Variants in SHISA9 observed in about 807,000 individuals in gnomAD.
The protein encoded by SHISA9 is shisa family member 9.
Under a neutral mutation model 38.0 loss-of-function variants are expected in SHISA9, and 13 were observed. The observed-to-expected ratio is 0.34, with a 90% CI of 0.22 to 0.54. The LOEUF (loss-of-function observed/expected upper bound fraction) is 0.54, where lower values mean the gene tolerates loss of function less well. SHISA9 is among the 20% of genes least tolerant of loss of function. SHISA9 has a pLI of 0.91. For missense variants in SHISA9, 538 were observed against 575.8 expected, an observed-to-expected ratio of 0.93 and a Z score of 0.67; for synonymous variants, 275 against 242.0, an observed-to-expected ratio of 1.14 and a Z score of -1.27.
At chr16:13,107,812 G>T (rs1363197508) in intron 2 of SHISA9, among the ~76,000 whole-genome samples, 3 of 152,188 alleles carry the variant, frequency 2.0e-5, no homozygotes, top group Non-Finnish European at 4.4e-5. Context: ...AATGAGGGCA[G>T]TGGCAGTGGG....
At chr16:13,440,183 G>A in the SHISA9 span, among the ~76,000 whole-genome samples, 1 of 152,164 alleles carries the variant, frequency 6.6e-6, no homozygotes, top group African/African-American at 2.4e-5. Context: ...TATGTGGGTG[G>A]GGGTGGAAGG....
intron 2 of SHISA9, among the ~76,000 whole-genome samples, chr16:12,925,165 T>C (rs960398475): frequency 5.3e-5 from 8 of 152,300 alleles, no homozygotes; most frequent in Non-Finnish European, 1.2e-4. Context: ...TGTGTGTGTG[T>C]GCATGGGAGT....
chr16:13,206,386 C>T (rs775170661), intron 3 of SHISA9, among the ~76,000 whole-genome samples: 15 of 152,130 alleles, frequency 9.9e-5, no homozygotes, highest in Non-Finnish European at 1.8e-4. Context: ...ACTTGCTGAT[C>T]GATTTCAGTA....
At chr16:13,166,719 G>A (rs2050639458) in intron 2 of SHISA9, among the ~76,000 whole-genome samples, 1 of 152,180 alleles carries the variant, frequency 6.6e-6, no homozygotes, top group Non-Finnish European at 1.5e-5. Context: ...GGCAAAGGAA[G>A]AATCATGGGA....
intron 2 of SHISA9, among the ~76,000 whole-genome samples, chr16:13,048,400 C>T (rs189645092): frequency 3.0e-4 from 45 of 152,238 alleles, no homozygotes; most frequent in African/African-American, 1.1e-3. Flanking sequence ...GCCTTTTGAG[C>T]CACCAAAAAT....
the SHISA9 span, among the ~76,000 whole-genome samples, chr16:13,379,162 C>G: frequency 6.6e-6 from 1 of 152,126 alleles, no homozygotes; most frequent in Non-Finnish European, 1.5e-5. Flanking sequence ...CAGAGGATGT[C>G]CAGAGGATGT....
intron 2 of SHISA9, among the ~76,000 whole-genome samples, chr16:13,023,286 T>C (rs1173995711): frequency 1.3e-5 from 2 of 152,202 alleles, no homozygotes; most frequent in African/African-American, 4.8e-5. Flanking sequence ...TTTCTGTCCT[T>C]ATGATAATTT....
chr16:13,084,578 T>C (rs1228672568), intron 2 of SHISA9, among the ~76,000 whole-genome samples: 2 of 152,186 alleles, frequency 1.3e-5, no homozygotes, highest in Admixed American at 6.5e-5. Flanking sequence ...GGTTCCTCTT[T>C]CTGGAGTTAC....
intron 2 of SHISA9, among the ~76,000 whole-genome samples, chr16:12,953,506 A>T (rs1359964709): frequency 1.3e-5 from 2 of 152,228 alleles, no homozygotes; most frequent in Non-Finnish European, 2.9e-5. Context: ...AAGCATAAGG[A>T]CATTGATTGA....
chr16:13,100,899 G>T (rs2073872410), intron 2 of SHISA9, among the ~76,000 whole-genome samples: 1 of 152,072 alleles, frequency 6.6e-6, no homozygotes, highest in South Asian at 2.1e-4. Flanking sequence ...TAGAGACGGG[G>T]TTTTGCCATG....
At chr16:13,553,179 T>G in the SHISA9 span, among the ~76,000 whole-genome samples, 3 of 152,198 alleles carry the variant, frequency 2.0e-5, no homozygotes, top group Non-Finnish European at 4.4e-5. Flanking sequence ...TTAAATGATG[T>G]GTTTTAGTTC....
At chr16:13,301,005 C>T in the SHISA9 span, among the ~76,000 whole-genome samples, 26 of 151,960 alleles carry the variant, frequency 1.7e-4, no homozygotes, top group Non-Finnish European at 3.2e-4. Flanking sequence ...TCAATATTGA[C>T]TCCTTCTCTT....
the SHISA9 span, among the ~76,000 whole-genome samples, chr16:13,406,104 G>T: frequency 1.3e-5 from 2 of 152,140 alleles, no homozygotes; most frequent in Non-Finnish European, 2.9e-5. Context: ...ATCCAACAGC[G>T]TCTTTTTAAC....
the SHISA9 span, among the ~76,000 whole-genome samples, chr16:13,254,386 T>G: frequency 6.6e-6 from 1 of 152,204 alleles, no homozygotes; most frequent in Non-Finnish European, 1.5e-5. Context: ...TTGTCACTGC[T>G]TCCAGCATGA....
chr16:12,953,713 T>A (rs953290327), intron 2 of SHISA9, among the ~76,000 whole-genome samples: 5 of 152,186 alleles, frequency 3.3e-5, no homozygotes, highest in African/African-American at 1.2e-4. Flanking sequence ...TAATTCATTC[T>A]CACACTGCTA....
the SHISA9 span, among the ~76,000 whole-genome samples, chr16:13,550,986 G>A: frequency 1.3e-5 from 2 of 152,138 alleles, no homozygotes; most frequent in Admixed American, 6.5e-5. Flanking sequence ...AGCCGGGCAT[G>A]TTGGTGGGTG....
At chr16:13,414,452 C>T in the SHISA9 span, among the ~76,000 whole-genome samples, 1 of 152,102 alleles carries the variant, frequency 6.6e-6, no homozygotes, top group Non-Finnish European at 1.5e-5. Context: ...AATGCCCACA[C>T]AGCATTCCTG....
At chr16:13,499,914 T>C in the SHISA9 span, among the ~76,000 whole-genome samples, 3 of 152,238 alleles carry the variant, frequency 2.0e-5, no homozygotes, top group East Asian at 1.9e-4. Context: ...TGCCTGGTAC[T>C]GTGCTCATCT....
At chr16:13,017,854 C>G (rs1209596559) in intron 2 of SHISA9, among the ~76,000 whole-genome samples, 2 of 152,204 alleles carry the variant, frequency 1.3e-5, no homozygotes, top group South Asian at 2.1e-4. Flanking sequence ...TTCATGCATT[C>G]AATCCAGAAT....
Sources: allele counts gnomAD v4.1 joint callset (sites outside exome capture counted in the v4.1 genomes callset), GRCh38; gene constraint gnomAD v4.1.1; transcripts MANE v1.5; gene names NCBI Gene and HGNC (gene_info 2026-07-23, HGNC 2026-07-21).